ADGRL3: variants seen among roughly 807,000 people sequenced by gnomAD.
The protein encoded by ADGRL3 is adhesion G protein-coupled receptor L3.
A neutral mutation model predicts 153.5 loss-of-function variants in ADGRL3; 62 were observed. That is an observed-to-expected ratio of 0.40 (90% CI 0.33 to 0.50). The LOEUF (loss-of-function observed/expected upper bound fraction) is 0.50. ADGRL3 is among the 20% of genes least tolerant of loss of function. ADGRL3 has a pLI of 0.47. For synonymous variants in ADGRL3, 710 were observed against 672.5 expected (o/e 1.06, Z -0.86); for missense variants, 1,641 against 1,859.4 (o/e 0.88, Z 2.16).
At chr4:61,851,076 A>C (rs1010168149) in intron 9 of ADGRL3, among the ~76,000 whole-genome samples, 3 of 143,986 alleles carry the variant, frequency 2.1e-5, no homozygotes, top group African/African-American at 8.4e-5. Flanking sequence ...CATATCCATT[A>C]TTTTTAAACG....
At chr4:61,771,123 G>A (rs987094020) in intron 8 of ADGRL3, among the ~76,000 whole-genome samples, 1 of 152,156 alleles carries the variant, frequency 6.6e-6, no homozygotes, top group African/African-American at 2.4e-5. Flanking sequence ...CATCCTTCCA[G>A]TGCACATGTG....
intron 2 of ADGRL3, among the ~76,000 whole-genome samples, chr4:61,492,095 A>G (rs887830661): frequency 2.0e-5 from 3 of 152,186 alleles, no homozygotes; most frequent in African/African-American, 7.2e-5. Context: ...CAATTAGGCT[A>G]TAGGTCTATA....
chr4:62,026,507 C>T (rs964366798), intron 21 of ADGRL3, among the ~76,000 whole-genome samples: 1 of 152,126 alleles, frequency 6.6e-6, no homozygotes, highest in Admixed American at 6.6e-5. Flanking sequence ...TTGATAAAAA[C>T]TGCTGAATTG....
intron 5 of ADGRL3, among the ~76,000 whole-genome samples, chr4:61,634,549 A>G (rs1420949748): frequency 6.6e-6 from 1 of 152,210 alleles, no homozygotes. Flanking sequence ...TGAAAAAAAT[A>G]AGATGAAAAC....
In ADGRL3 at chr4:61,732,967, C is replaced by T; in HGVS notation, c.812C>T (p.Pro271Leu). The change falls in exon 8 of 27, where the codon CCT becomes CTT. Residue 271 changes from proline to leucine, a missense_variant. This residue lies in a region of ADGRL3 where 213 missense variants were observed against 362.1 expected (regional missense o/e 0.59). Coordinates refer to ENST00000683033, the MANE Select transcript of ADGRL3 (RefSeq NM_001387552.1). ...AGACCAACTACAACCTACAAGCTCC[C>T]TCACAGGGTGGATGGCACAGGATTT... ...AGRPTTTYKL[P>L]HRVDGTGFVV... 6.2e-7 allele frequency: 1 copy of T among 1,613,698 alleles called. No homozygotes were observed. The highest frequency in any genetic ancestry group is 8.5e-7 in the Non-Finnish European group (1 of 1,179,820).
chr4:61,310,747 T>TA (rs201055897), intron 1 of ADGRL3, among the ~76,000 whole-genome samples: 1 of 149,654 alleles, frequency 6.7e-6, no homozygotes, highest in African/African-American at 2.5e-5. Flanking sequence ...TTTTTTTTTT[T>TA]AAATTCCTTT....
intron 21 of ADGRL3, among the ~76,000 whole-genome samples, chr4:62,001,991 A>G (rs529678847): frequency 1.1e-4 from 17 of 152,058 alleles, no homozygotes; most frequent in African/African-American, 4.1e-4. Flanking sequence ...TCACACACAT[A>G]TATCTCCTTT....
chr4:61,784,430 T>G (rs1484127781), intron 8 of ADGRL3, among the ~76,000 whole-genome samples: 1 of 118,822 alleles, frequency 8.4e-6, no homozygotes, highest in African/African-American at 3.3e-5. Flanking sequence ...ACATATTAGT[T>G]GACTCACTTT....
chr4:61,253,941 A>C (rs1181108042), intron 1 of ADGRL3, among the ~76,000 whole-genome samples: 1 of 152,146 alleles, frequency 6.6e-6, no homozygotes, highest in Non-Finnish European at 1.5e-5. Flanking sequence ...GTGAACCACG[A>C]TTATTTTTTC....
At chr4:61,377,165 A>G (rs1270646552) in intron 1 of ADGRL3, among the ~76,000 whole-genome samples, 1 of 151,970 alleles carries the variant, frequency 6.6e-6, no homozygotes, top group Non-Finnish European at 1.5e-5. Flanking sequence ...ATGGTAGGGA[A>G]TGGTACGGAA....
At chr4:62,020,870 CTT>C (rs1187891290) in intron 21 of ADGRL3, among the ~76,000 whole-genome samples, 2 of 151,918 alleles carry the variant, frequency 1.3e-5, no homozygotes, top group Non-Finnish European at 2.9e-5. Context: ...TTGGTTATCT[CTT>C]TTAATGTTCA....
chr4:61,924,977 A>G (rs1581484807), intron 13 of ADGRL3, among the ~76,000 whole-genome samples: 1 of 152,264 alleles, frequency 6.6e-6, no homozygotes, highest in East Asian at 1.9e-4. Flanking sequence ...GTTAAGATAT[A>G]TCTCAAGATT....
chr4:61,258,726 T>TTTC, intron 1 of ADGRL3, among the ~76,000 whole-genome samples: 1 of 152,334 alleles, frequency 6.6e-6, no homozygotes, highest in African/African-American at 2.4e-5. Context: ...TGTACTATTC[T>TTTC]TTCTTCTTCT....
chr4:61,557,541 T>C (rs2098772791), intron 4 of ADGRL3, among the ~76,000 whole-genome samples: 2 of 152,194 alleles, frequency 1.3e-5, no homozygotes, highest in South Asian at 2.1e-4. Context: ...ATTTTAATGA[T>C]GGCACTGCCT....
At chr4:61,917,377 G>C (rs778282364) in intron 13 of ADGRL3, among the ~76,000 whole-genome samples, 3 of 152,166 alleles carry the variant, frequency 2.0e-5, no homozygotes, top group African/African-American at 4.8e-5. Flanking sequence ...AAAATGGTAT[G>C]TGATAATTAT....
chr4:61,308,406 G>A (rs2094880173), intron 1 of ADGRL3, among the ~76,000 whole-genome samples: 1 of 152,138 alleles, frequency 6.6e-6, no homozygotes. Context: ...TGTATTAATT[G>A]TTGCTCATTT....
chr4:61,460,843 C>T (rs2097803457), intron 2 of ADGRL3, among the ~76,000 whole-genome samples: 1 of 152,010 alleles, frequency 6.6e-6, no homozygotes, highest in Non-Finnish European at 1.5e-5. Context: ...CCGAGGTGGG[C>T]AGATCACCTG....
chr4:61,921,751 T>A (rs1031252092), intron 13 of ADGRL3, among the ~76,000 whole-genome samples: 1 of 152,126 alleles, frequency 6.6e-6, no homozygotes, highest in Non-Finnish European at 1.5e-5. Context: ...TTTTTACTCA[T>A]ATCTATATTT....
rs771732117 is a variant in ADGRL3 at position 61,280,107 on chromosome 4, C to CTTTT, written c.-240+78344_-240+78347dup. Among the ~76,000 whole-genome samples, 86 of 94,638 alleles carry CTTTT rather than the reference C, an allele frequency of 9.1e-4. 7 individuals are homozygous for CTTTT. Among genetic ancestry groups the CTTTT allele is most frequent in the East Asian group, 1.6e-3 (5 of 3,170 alleles). 62.1% of individuals were successfully genotyped at this position (94,638 alleles called of 152,430 possible). A position where few individuals can be genotyped will look rare whatever the true frequency, so the allele number is the denominator to read the frequency against. Reference sequence around the variant, plus strand: ...AAAGTATTTTCTTTTCTTTTCTTTTCTTTTTCTTTTTTTTTTTTTTGAGAC... The same window carrying CTTTT: ...AAAGTATTTTCTTTTCTTTTCTTTTCTTTTTTTTTCTTTTTTTTTTTTTTGAGAC... On this transcript the variant is annotated intron_variant, in intron 1 of 26. Transcript: ENST00000683033.
Sources: allele counts gnomAD v4.1 joint callset (sites outside exome capture counted in the v4.1 genomes callset), GRCh38; gene constraint gnomAD v4.1.1; regional missense constraint gnomAD v4.1.1; transcripts MANE v1.5; gene names NCBI Gene and HGNC (gene_info 2026-07-23, HGNC 2026-07-21).